The following KPNA6 variants were observed in gnomAD, a reference collection of about 807,000 sequenced individuals.
The protein encoded by KPNA6 is importin subunit alpha-7.
Under a neutral mutation model 72.0 loss-of-function variants are expected in KPNA6, and 9 were observed. The ratio of observed to expected loss-of-function variants is 0.13; its 90% CI spans 0.08 to 0.22. KPNA6 has a LOEUF of 0.22. Ranked by LOEUF, KPNA6 falls within the 10% of genes least tolerant of loss-of-function variation. KPNA6 has a pLI of 1.00. For missense variants in KPNA6, 374 were observed against 655.7 expected (o/e 0.57, Z 4.69); for synonymous variants, 219 against 242.1 (o/e 0.90, Z 0.89).
rs745730744 is a variant in KPNA6, at chr1:32,143,070, G to A, written c.5-11518G>A. On this transcript the variant is annotated intron_variant, in intron 1 of 13. Coordinates refer to ENST00000373625, the MANE Select transcript of KPNA6 (RefSeq NM_012316.5). The stretch of plus-strand genomic sequence containing the variant: ...ATAGTGCTGCCTTCAGAAATCTGTT[G>A]TCTACTCTGTTAGTCTCACAGGGAT... 9 of 1,092,382 alleles carry A rather than the reference G, an allele frequency of 8.2e-6. No homozygotes were observed. The South Asian group carries it at 1.0e-4, about 13-fold the overall frequency. 67.7% of individuals were successfully genotyped at this position (1,092,382 alleles called of 1,614,324 possible). A position where few individuals can be genotyped will look rare whatever the true frequency, so the allele number is the denominator to read the frequency against.
intron 1 of KPNA6, among the ~76,000 whole-genome samples, chr1:32,135,709 C>T (rs1237375789): frequency 1.3e-5 from 2 of 149,416 alleles, no homozygotes; most frequent in East Asian, 2.0e-4. Flanking sequence ...CTCAAGTGAT[C>T]TGACTGCCTC....
In KPNA6 at chr1:32,171,109, A is replaced by G. The variant is rs1642429473; in HGVS notation, c.*215A>G. The G allele has an allele frequency of 1.8e-6, 1 of 559,326 alleles. No individual in the cohort carries two copies. Among genetic ancestry groups the G allele is most frequent in the Admixed American group, 3.0e-5 (1 of 33,194 alleles). The allele number at this position is 559,326 out of a possible 1,614,324, so 34.6% of individuals were successfully genotyped here. A position where few individuals can be genotyped will look rare whatever the true frequency, so the allele number is the denominator to read the frequency against. On this transcript the variant is annotated 3_prime_UTR_variant, in exon 14 of 14. Coordinates refer to ENST00000373625, the MANE Select transcript of KPNA6 (RefSeq NM_012316.5). ...GAGGCTCACCTTTGGGTTTTGTGAC[A>G]AGAAGGGGACGTGTTGGGTTTTTCT...
chr1:32,120,445 A>C (rs1412432727), intron 1 of KPNA6, among the ~76,000 whole-genome samples: 1 of 150,254 alleles, frequency 6.7e-6, no homozygotes, highest in African/African-American at 2.5e-5. Flanking sequence ...GCGGGGTTTC[A>C]CCATGTTGGC....
At chr1:32,118,816 A>G (rs1641371074) in intron 1 of KPNA6, among the ~76,000 whole-genome samples, 2 of 151,588 alleles carry the variant, frequency 1.3e-5, no homozygotes, top group Admixed American at 1.3e-4. Flanking sequence ...ATGAAATAAA[A>G]TAGAGATAAT....
At chr1:32,157,503 A>T (rs1642164963) in intron 4 of KPNA6, 58 bp downstream of exon 4, 3 of 1,255,394 alleles carry the variant, frequency 2.4e-6, no homozygotes, top group South Asian at 2.4e-5. Flanking sequence ...TTTTCTCTTC[A>T]CTGATGTCAT....
At chr1:32,117,253 A>G (rs1315931782) in intron 1 of KPNA6, among the ~76,000 whole-genome samples, 2 of 151,452 alleles carry the variant, frequency 1.3e-5, no homozygotes, top group South Asian at 2.1e-4. Flanking sequence ...GCTCACTGCA[A>G]CCTCCACCCT....
intron 1 of KPNA6, among the ~76,000 whole-genome samples, chr1:32,125,406 A>G (rs978760507): frequency 1.3e-5 from 2 of 152,246 alleles, no homozygotes; most frequent in African/African-American, 4.8e-5. Flanking sequence ...GATAAAACAT[A>G]AATAACATTC....
chr1:32,124,842 C>CTTAT (rs1320743708), intron 1 of KPNA6, among the ~76,000 whole-genome samples: 4 of 150,468 alleles, frequency 2.7e-5, no homozygotes, highest in Admixed American at 2.0e-4. Context: ...TTGCGTTTAA[C>CTTAT]TTATTTATTT....
At chr1:32,131,779 G>A (rs1570014932) in intron 1 of KPNA6, among the ~76,000 whole-genome samples, 1 of 150,994 alleles carries the variant, frequency 6.6e-6, no homozygotes, top group East Asian at 1.9e-4. Flanking sequence ...CAGCACTTTG[G>A]GAGGACAAGT....
At chr1:32,128,387 T>TTTTATATA (rs368301655) in intron 1 of KPNA6, among the ~76,000 whole-genome samples, 5 of 72,170 alleles carry the variant, frequency 6.9e-5, no homozygotes, top group African/African-American at 9.4e-5. Flanking sequence ...ATATATGTAT[T>TTTTATATA]TATATATATA....
At chr1:32,115,081 C>A (rs1157741288) in intron 1 of KPNA6, among the ~76,000 whole-genome samples, 1 of 152,018 alleles carries the variant, frequency 6.6e-6, no homozygotes, top group East Asian at 1.9e-4. Flanking sequence ...CTCAAGTGAT[C>A]CGCCCACCTC....
At chr1:32,136,156 T>TA (rs1378193701) in intron 1 of KPNA6, among the ~76,000 whole-genome samples, 6 of 151,672 alleles carry the variant, frequency 4.0e-5, no homozygotes, top group Non-Finnish European at 8.8e-5. Context: ...TGGCTGTATA[T>TA]AAAATCCACA....
chr1:32,133,370 A>C (rs1641674769), intron 1 of KPNA6, among the ~76,000 whole-genome samples: 1 of 151,744 alleles, frequency 6.6e-6, no homozygotes, highest in Non-Finnish European at 1.5e-5. Flanking sequence ...GGAGGTTAGA[A>C]AGCAGTAGGA....
rs1642511287 is a variant in KPNA6 at position 32,175,538 on chromosome 1, A to T, written c.*4644A>T. ...GGTGGCACATGCCTGTAATCCCAGC[A>T]CTTTGGGAGGCCGAGGCGGGTGGAT... On this transcript the variant is annotated 3_prime_UTR_variant, in exon 14 of 14. Coordinates refer to ENST00000373625, the MANE Select transcript of KPNA6 (RefSeq NM_012316.5). The T allele has an allele frequency of 1.3e-5, 2 of 152,222 alleles. No homozygotes were observed. The highest frequency in any genetic ancestry group is 2.9e-5 in the Non-Finnish European group (2 of 68,132). The allele number at this position is 152,222 out of a possible 1,614,324, so 9.4% of individuals were successfully genotyped here. A position where few individuals can be genotyped will look rare whatever the true frequency, so the allele number is the denominator to read the frequency against.
chr1:32,165,980 A>G, intron 10 of KPNA6, 125 bp from the exon 11 acceptor site: 1 of 1,057,174 alleles, frequency 9.5e-7, no homozygotes, highest in East Asian at 2.9e-5. Context: ...CCTGGGCGTC[A>G]GAGCGAGACT....
intron 12 of KPNA6, among the ~76,000 whole-genome samples, chr1:32,168,593 G>C (rs1380135473): frequency 6.6e-6 from 1 of 152,212 alleles, no homozygotes; most frequent in Non-Finnish European, 1.5e-5. Flanking sequence ...AGCACAGTTA[G>C]TATATATAAA....
intron 6 of KPNA6, 89 bp downstream of exon 6, chr1:32,159,620 T>C: frequency 7.0e-7 from 1 of 1,437,920 alleles, no homozygotes; most frequent in Non-Finnish European, 9.5e-7. Flanking sequence ...TGGCACAGTG[T>C]TAAAACTCTT....
intron 7 of KPNA6, 140 bp from the exon 8 acceptor site, chr1:32,161,807 C>G (rs906012149): frequency 1.5e-6 from 1 of 655,802 alleles, no homozygotes; most frequent in African/African-American, 1.8e-5. Flanking sequence ...TATACCAGCT[C>G]TATTAACTTA....
chr1:32,114,499 G>A (rs1436101042), intron 1 of KPNA6, among the ~76,000 whole-genome samples: 3 of 151,014 alleles, frequency 2.0e-5, no homozygotes, highest in Non-Finnish European at 4.4e-5. Context: ...GTAAACAGAT[G>A]TGCTGTCATC....
Sources: gnomAD v4.1 joint callset for allele counts (sites outside exome capture counted in the v4.1 genomes callset) on GRCh38, gnomAD v4.1.1 for gene constraint, MANE v1.5 for transcripts, NCBI Gene and HGNC (gene_info 2026-07-23, HGNC 2026-07-21) for gene names.